The following INSYN2B variants were observed in gnomAD, a reference collection of about 807,000 sequenced individuals.
The protein encoded by INSYN2B is inhibitory synaptic factor family member 2B, also known as protein INSYN2B.
A neutral mutation model predicts 41.2 loss-of-function variants in INSYN2B; 16 were observed. The observed-to-expected ratio is 0.39, with a 90% CI of 0.26 to 0.59. INSYN2B has a LOEUF of 0.59. INSYN2B is among the 20% of genes least tolerant of loss of function. The pLI is 0.57. For missense variants in INSYN2B, 608 were observed against 646.4 expected (o/e 0.94, Z 0.64); for synonymous variants, 245 against 244.4 (o/e 1.00, Z -0.02).
intron 1 of INSYN2B, among the ~76,000 whole-genome samples, chr5:169,967,288 T>C (rs1480354976): frequency 6.6e-6 from 1 of 152,202 alleles, no homozygotes; most frequent in East Asian, 1.9e-4. Context: ...TGATTTCAAA[T>C]ACGGGACCTG....
At chr5:169,919,159 A>G (rs563311032) in intron 1 of INSYN2B, among the ~76,000 whole-genome samples, 1 of 152,296 alleles carries the variant, frequency 6.6e-6, no homozygotes, top group Admixed American at 6.5e-5. Flanking sequence ...ACTTAAAACT[A>G]TGTTCCAGAG....
At chr5:169,900,255 C>T (rs1773847195) in intron 1 of INSYN2B, among the ~76,000 whole-genome samples, 1 of 152,084 alleles carries the variant, frequency 6.6e-6, no homozygotes, top group Admixed American at 6.6e-5. Flanking sequence ...CCTGTTGGGA[C>T]CTTTAGACAA....
intron 1 of INSYN2B, among the ~76,000 whole-genome samples, chr5:169,904,497 G>C (rs1424315297): frequency 3.3e-5 from 5 of 152,168 alleles, no homozygotes; most frequent in Non-Finnish European, 7.4e-5. Flanking sequence ...GGTGCAGACA[G>C]GCAGGGGAGG....
intron 1 of INSYN2B, among the ~76,000 whole-genome samples, chr5:169,974,709 G>A (rs964584865): frequency 9.9e-5 from 15 of 152,168 alleles, no homozygotes; most frequent in Admixed American, 3.3e-4. Context: ...GGAATATACC[G>A]TATTTTCCTG....
intron 1 of INSYN2B, among the ~76,000 whole-genome samples, chr5:169,892,134 A>T (rs1303582020): frequency 6.6e-6 from 1 of 152,174 alleles, no homozygotes; most frequent in Non-Finnish European, 1.5e-5. Context: ...TCCAAATCCA[A>T]GCTTAAGCAC....
intron 1 of INSYN2B, among the ~76,000 whole-genome samples, chr5:169,914,612 G>A (rs553001852): frequency 1.3e-5 from 2 of 152,338 alleles, no homozygotes; most frequent in South Asian, 4.1e-4. Flanking sequence ...TTCATTGGTA[G>A]CATTTTAAGA....
Position 169,883,602 on chromosome 5 carries a change from A to G in INSYN2B, c.297T>C (p.Thr99=). ...AGGFRNIAIQ[T]SPSLRKHFPV... Reference sequence around the variant, plus strand: ...GGAAATGCTTCCTGAGACTGGGGGAAGTTTGGATTGCAATGTTGCGAAAGC... The same window carrying G: ...GGAAATGCTTCCTGAGACTGGGGGAGGTTTGGATTGCAATGTTGCGAAAGC... The change falls in exon 2 of 4, where the codon ACT becomes ACC. Residue 99 remains threonine, a synonymous_variant. Coordinates refer to ENST00000377365, the MANE Select transcript of INSYN2B (RefSeq NM_001129891.3). The G allele has an allele frequency of 1.0e-5, 16 of 1,551,576 alleles. No individual in the cohort carries two copies. The highest frequency in any genetic ancestry group is 1.4e-5 in the African/African-American group (1 of 73,150).
In INSYN2B at chr5:169,879,625, G is replaced by A. The variant is rs1772523829; in HGVS notation, c.1421+1743C>T. Among the ~76,000 whole-genome samples, 5 of 152,204 alleles carry A rather than the reference G, an allele frequency of 3.3e-5. 1 individual carries two copies. The South Asian group carries it at 1.0e-3, about 32-fold the overall frequency. On this transcript the variant is annotated intron_variant, in intron 3 of 3. Transcript: ENST00000377365. ...AACTTAATTTAGAATGTTTGCTGGA[G>A]ATGTTTGAATTAAGTGCTAGAAAAA...
chr5:169,881,287 G>T lies in INSYN2B; in HGVS notation c.1421+81C>A. 4 of 1,168,878 alleles carry T rather than the reference G, an allele frequency of 3.4e-6. No individual in the cohort carries two copies. The South Asian group carries it at 4.1e-5, about 12-fold the overall frequency. The allele number at this position is 1,168,878 out of a possible 1,614,324, so 72.4% of individuals were successfully genotyped here. On this transcript the variant is annotated intron_variant, in intron 3 of 3. Transcript: ENST00000377365. ...TTGTTTTTGCCTCTCTTGACTTTTTGCATTTAAAAGTTTGCTAGAGTGTTC... is the reference window on the plus strand; with the variant it reads ...TTGTTTTTGCCTCTCTTGACTTTTTTCATTTAAAAGTTTGCTAGAGTGTTC...
intron 1 of INSYN2B, among the ~76,000 whole-genome samples, chr5:169,974,579 A>ACC (rs1025658005): frequency 6.6e-6 from 1 of 152,100 alleles, no homozygotes. Flanking sequence ...GTGTCATTTT[A>ACC]CCCTGGATGC....
chr5:169,886,693 A>G (rs187440204), intron 1 of INSYN2B, among the ~76,000 whole-genome samples: 5 of 152,364 alleles, frequency 3.3e-5, no homozygotes, highest in African/African-American at 9.6e-5. Context: ...AGATGGTCGC[A>G]TGCTTAAAAA....
At chr5:169,876,675 C>G (rs1025093610) in intron 3 of INSYN2B, among the ~76,000 whole-genome samples, 1 of 152,260 alleles carries the variant, frequency 6.6e-6, no homozygotes, top group East Asian at 1.9e-4. Context: ...TACGGGCTTA[C>G]ATTCAGCTTA....
intron 1 of INSYN2B, among the ~76,000 whole-genome samples, chr5:169,898,703 A>T (rs539318657): frequency 1.3e-5 from 2 of 152,290 alleles, no homozygotes; most frequent in Non-Finnish European, 1.5e-5. Flanking sequence ...TGTGTAGGCC[A>T]TGTGGTCTTT....
chr5:169,892,576 G>C (rs541220091), intron 1 of INSYN2B, among the ~76,000 whole-genome samples: 1 of 152,172 alleles, frequency 6.6e-6, no homozygotes, highest in African/African-American at 2.4e-5. Context: ...AGGCCTCTCC[G>C]ATGGATGGGC....
At chr5:169,964,469 C>T (rs1343360910) in intron 1 of INSYN2B, among the ~76,000 whole-genome samples, 1 of 152,248 alleles carries the variant, frequency 6.6e-6, no homozygotes, top group African/African-American at 2.4e-5. Flanking sequence ...ACGCAGTGAA[C>T]TGTGTCAGAC....
intron 1 of INSYN2B, among the ~76,000 whole-genome samples, chr5:169,971,213 A>C (rs952625950): frequency 6.6e-6 from 1 of 151,420 alleles, no homozygotes; most frequent in African/African-American, 2.4e-5. Flanking sequence ...GTATGACATC[A>C]TCTGGAAAAT....
intron 1 of INSYN2B, among the ~76,000 whole-genome samples, chr5:169,909,550 G>T (rs1581400514): frequency 6.6e-6 from 1 of 152,316 alleles, no homozygotes; most frequent in East Asian, 1.9e-4. Flanking sequence ...GTCCTGCAAG[G>T]TGAGTATTAT....
intron 1 of INSYN2B, among the ~76,000 whole-genome samples, chr5:169,929,046 G>C (rs1305214624): frequency 1.3e-5 from 2 of 152,228 alleles, no homozygotes; most frequent in East Asian, 1.9e-4. Flanking sequence ...CAGATGGAAA[G>C]CTTGAGGTCA....
chr5:169,962,606 T>C (rs971104926), intron 1 of INSYN2B, among the ~76,000 whole-genome samples: 5 of 152,108 alleles, frequency 3.3e-5, no homozygotes, highest in Non-Finnish European at 7.4e-5. Context: ...TCAGGCTCCA[T>C]GGTGGGTTAG....
Sources: allele counts gnomAD v4.1 joint callset (sites outside exome capture counted in the v4.1 genomes callset), GRCh38; gene constraint gnomAD v4.1.1; transcripts MANE v1.5; gene names NCBI Gene and HGNC (gene_info 2026-07-23, HGNC 2026-07-21).